Variants in APC observed in about 807,000 individuals in gnomAD.
The protein encoded by APC is adenomatous polyposis coli protein.
APC carries 72 observed loss-of-function variants against 247.0 expected under a neutral mutation model. The ratio of observed to expected loss-of-function variants is 0.29; its 90% CI spans 0.24 to 0.35. The LOEUF (loss-of-function observed/expected upper bound fraction) is 0.35. APC is among the 10% of genes least tolerant of loss of function. The probability of loss-of-function intolerance (pLI) is 1.00; values close to 1 mark genes in which losing one functional copy is unlikely to be tolerated. For synonymous variants in APC, 1,254 were observed against 1,162.5 expected (o/e 1.08, Z -1.60); for missense variants, 3,400 against 3,360.7 (o/e 1.01, Z -0.29).
At chr5:112,792,654 G>A (rs1427061810) in intron 7 of APC, 125 bp downstream of exon 7, 19 of 699,258 alleles carry the variant, frequency 2.7e-5, no homozygotes, top group South Asian at 5.2e-5. Flanking sequence ...TTTAAATACC[G>A]TAATTTTTTT....
chr5:112,750,367 GTTCT>G (rs1754204815), intron 1 of APC, among the ~76,000 whole-genome samples: 1 of 151,732 alleles, frequency 6.6e-6, no homozygotes, highest in African/African-American at 2.4e-5. Context: ...ATTTTTGTAT[GTTCT>G]TTAAGTGATA....
chr5:112,809,907 G>A (rs896868436), intron 8 of APC, among the ~76,000 whole-genome samples: 2 of 152,120 alleles, frequency 1.3e-5, no homozygotes, highest in African/African-American at 4.8e-5. Context: ...TGAGGCAGGA[G>A]AATCGCTTGA....
At chr5:112,748,856 G>A (rs1753971623) in intron 1 of APC, among the ~76,000 whole-genome samples, 2 of 152,094 alleles carry the variant, frequency 1.3e-5, no homozygotes, top group Admixed American at 1.3e-4. Context: ...AATTAGCTGG[G>A]CATGTTGGCT....
intron 2 of APC, among the ~76,000 whole-genome samples, chr5:112,763,729 A>G (rs981099164): frequency 6.6e-6 from 1 of 152,210 alleles, no homozygotes; most frequent in South Asian, 2.1e-4. Flanking sequence ...AATTGCTTGT[A>G]ATTTCAGTCT....
intron 1 of APC, among the ~76,000 whole-genome samples, chr5:112,709,012 G>A (rs1750694761): frequency 6.6e-6 from 1 of 152,184 alleles, no homozygotes; most frequent in East Asian, 1.9e-4. Flanking sequence ...CTGGATGGAA[G>A]GGTTGGATAA....
chr5:112,801,125 C>T (rs758761602), intron 7 of APC, among the ~76,000 whole-genome samples, 154 bp from the exon 8 acceptor site: 6 of 152,034 alleles, frequency 3.9e-5, no homozygotes, highest in Non-Finnish European at 7.4e-5. Flanking sequence ...GCCAATCGTA[C>T]TGGAGGTTAT....
rs1218660322 is a variant in APC at position 112,846,138 on chromosome 5, A to G, written c.*2012A>G. 4.3e-6 allele frequency: 1 copy of G among 232,338 alleles called. No individual in the cohort carries two copies. Among genetic ancestry groups the G allele is most frequent in the Non-Finnish European group, 8.5e-6 (1 of 117,574 alleles). 14.4% of individuals were successfully genotyped at this position (232,338 alleles called of 1,614,324 possible). On this transcript the variant is annotated 3_prime_UTR_variant, in exon 16 of 16. Coordinates refer to ENST00000257430, the MANE Select transcript of APC (RefSeq NM_000038.6). ...ACTTCAATTTACTATCTTTGAAATG[A>G]TTGACCTTTAAATTTTTGCCAAATG...
Position 112,841,437 on chromosome 5 carries a change from A to C in APC, c.5843A>C (p.Asp1948Ala). Residue 1948 changes from aspartate (D) to alanine (A), a missense_variant, in exon 16 of 16, where the codon GAT becomes GCT. Transcript: ENST00000257430. The surrounding 1 kb of genome is among the most constrained non-coding windows in gnomAD (Gnocchi z 4.6). The part of the protein sequence containing the change: ...KDIPDRGAAT[D>A]EKLQNFAIEN... ...ATACCAGACAGAGGGGCAGCAACTG[A>C]TGAAAAGTTACAGAATTTTGCTATT... 6.2e-7 allele frequency: 1 copy of C among 1,614,052 alleles called. No individual in the cohort carries two copies.
chr5:112,785,015 G>T (rs1233660020), intron 6 of APC, among the ~76,000 whole-genome samples: 1 of 152,074 alleles, frequency 6.6e-6, no homozygotes, highest in Non-Finnish European at 1.5e-5. Context: ...AGTGAGCTAT[G>T]ATCATGCCAC....
At chr5:112,831,387 A>G (rs972956757) in intron 14 of APC, among the ~76,000 whole-genome samples, 17 of 152,224 alleles carry the variant, frequency 1.1e-4, no homozygotes, top group African/African-American at 4.1e-4. Flanking sequence ...GATTACAGGC[A>G]TGATATAATG....
intron 1 of APC, among the ~76,000 whole-genome samples, chr5:112,716,683 G>A (rs961575264): frequency 6.6e-6 from 1 of 152,112 alleles, no homozygotes; most frequent in Non-Finnish European, 1.5e-5. Flanking sequence ...TATTTCCCTT[G>A]TAGTTCTCTA....
chr5:112,785,055 C>A (rs777807008), intron 6 of APC, among the ~76,000 whole-genome samples: 2 of 152,044 alleles, frequency 1.3e-5, no homozygotes, highest in Non-Finnish European at 2.9e-5. Flanking sequence ...CCGAGCAAGA[C>A]CCTGTCTTGA....
chr5:112,777,810 A>G (rs183393673), intron 5 of APC: 97 of 253,612 alleles, frequency 3.8e-4, no homozygotes, highest in Non-Finnish European at 6.3e-4. Context: ...TGTGGCACCA[A>G]TTACTCCTTC....
In APC at chr5:112,835,143, A is replaced by C. The variant is rs1580605187; in HGVS notation, c.1936A>C (p.Ile646Leu). The C allele has an allele frequency of 6.2e-7, 1 of 1,614,070 alleles. No homozygotes were observed. The stretch of plus-strand genomic sequence containing the variant: ...GATATTACGGAATGTGTCCAGCTTG[A>C]TAGCTACAAATGAGGACCACAGGTA... ...GGILRNVSSL[I>L]ATNEDHRQIL... The change falls in exon 15 of 16, where the codon ATA becomes CTA. Residue 646 changes from isoleucine to leucine, a missense_variant. Ile to Leu is a conservative substitution (Grantham distance 5, BLOSUM62 2). Transcript: ENST00000257430.
chr5:112,707,960 A>C (rs1026259879), intron 1 of APC: 60 of 1,273,302 alleles, frequency 4.7e-5, no homozygotes, highest in Non-Finnish European at 6.0e-5. Flanking sequence ...TCGGGACCCT[A>C]CGGTGCTCGG....
chr5:112,843,001 T>C lies in APC; in HGVS notation c.7407T>C (p.Ser2469=), dbSNP rs1282202968. The change falls in exon 16 of 16, where the codon TCT becomes TCC. Residue 2469 remains serine, a synonymous_variant. Transcript: ENST00000257430. This position sits in a 1 kb window ranked among gnomAD's most constrained non-coding sequence, Gnocchi z 4.8. ...CATTTGAATCTCTTTCTCCATCATC[T>C]AGACCAGCTTCTCCCACTAGGTCCC... The part of the protein sequence containing the change: ...SASFESLSPS[S]RPASPTRSQA... 5 of 1,613,978 alleles carry C rather than the reference T, an allele frequency of 3.1e-6. No homozygotes were observed. In the African/African-American group the frequency reaches 6.7e-5, roughly 22 times the overall value.
chr5:112,729,409 A>G (rs1751977287), intron 1 of APC, among the ~76,000 whole-genome samples: 1 of 152,218 alleles, frequency 6.6e-6, no homozygotes, highest in Admixed American at 6.5e-5. Flanking sequence ...GGAAGGTGTG[A>G]TCTTTGAAAA....
rs2149947171 is a variant in APC at position 112,841,304 on chromosome 5, C to A, written c.5710C>A (p.Gln1904Lys). 6.2e-7 allele frequency: 1 copy of A among 1,613,924 alleles called. No homozygotes were observed. The change falls in exon 16 of 16, where the codon CAA becomes AAA. Residue 1904 changes from glutamine (Q) to lysine (K), a missense_variant. Physicochemically the swap from Gln to Lys is moderately conservative, Grantham distance 53 (BLOSUM62 1). Coordinates refer to ENST00000257430, the MANE Select transcript of APC (RefSeq NM_000038.6). This position sits in a 1 kb window ranked among gnomAD's most constrained non-coding sequence, Gnocchi z 4.6. ...CAGCCACACAGAACTAACCTCCAAC[C>A]AACAATCAGCTAATAAGACACAAGC... ...VTSHTELTSN[Q>K]QSANKTQAIA...
intron 6 of APC, among the ~76,000 whole-genome samples, chr5:112,784,611 G>T (rs1167172394): frequency 1.3e-5 from 2 of 152,104 alleles, no homozygotes; most frequent in Non-Finnish European, 2.9e-5. Context: ...GAATATGGTA[G>T]CCAAAGCACT....
Sources: gnomAD v4.1 joint callset for allele counts (sites outside exome capture counted in the v4.1 genomes callset) on GRCh38, gnomAD v4.1.1 for gene constraint, Gnocchi (gnomAD v3.1) non-coding constraint, MANE v1.5 for transcripts, NCBI Gene and HGNC (gene_info 2026-07-23, HGNC 2026-07-21) for gene names.